Variants in NPAS2 observed in about 807,000 individuals in gnomAD.
NPAS2 encodes neuronal PAS domain protein 2, also known as neuronal PAS domain-containing protein 2.
NPAS2 carries 23 observed loss-of-function variants against 107.5 expected under a neutral mutation model. The observed-to-expected ratio is 0.21, with a 90% confidence interval of 0.15 to 0.30. The LOEUF is 0.30. NPAS2 is among the 10% of genes least tolerant of loss of function. The probability of loss-of-function intolerance (pLI) is 1.00; values close to 1 mark genes in which losing one functional copy is unlikely to be tolerated. For synonymous variants in NPAS2, 403 were observed against 417.5 expected (o/e 0.97, Z 0.42); for missense variants, 756 against 1,043.3 (o/e 0.72, Z 3.79).
intron 1 of NPAS2, among the ~76,000 whole-genome samples, chr2:100,883,494 G>A (rs1031003857): frequency 5.9e-5 from 9 of 152,166 alleles, no homozygotes; most frequent in Non-Finnish European, 7.3e-5. Flanking sequence ...GTAACCACAC[G>A]CCATGGGATG....
Position 100,869,173 on chromosome 2 carries a change from T to C in NPAS2, c.-22-35560T>C, listed in dbSNP as rs531304172. ...CTGGTCTCAAACTCCTGACCTCAAGTGATCCACCTGCCTCGGCCTCCCAAA... is the reference window on the plus strand; with the variant it reads ...CTGGTCTCAAACTCCTGACCTCAAGCGATCCACCTGCCTCGGCCTCCCAAA... On this transcript the variant is annotated intron_variant, in intron 1 of 20. Coordinates refer to ENST00000335681, the MANE Select transcript of NPAS2 (RefSeq NM_002518.4). Among the ~76,000 whole-genome samples, 16 of 152,126 alleles carry C rather than the reference T, an allele frequency of 1.1e-4. No individual in the cohort carries two copies. The South Asian group carries it at 3.1e-3, about 30-fold the overall frequency.
At chr2:100,821,371 A>AACAC (rs1676059808) in intron 1 of NPAS2, among the ~76,000 whole-genome samples, 1 of 152,058 alleles carries the variant, frequency 6.6e-6, no homozygotes, top group South Asian at 2.1e-4. Flanking sequence ...GGAGTTCAAC[A>AACAC]GGTGTTCAGG....
chr2:100,821,589 A>T (rs1676073778), intron 1 of NPAS2, among the ~76,000 whole-genome samples: 1 of 152,198 alleles, frequency 6.6e-6, no homozygotes, highest in Non-Finnish European at 1.5e-5. Flanking sequence ...TGAACTTCCC[A>T]GGTAATTAGT....
At chr2:100,845,424 C>A (rs1485583989) in intron 1 of NPAS2, among the ~76,000 whole-genome samples, 2 of 152,204 alleles carry the variant, frequency 1.3e-5, no homozygotes, top group African/African-American at 4.8e-5. Flanking sequence ...TGCCCATTGT[C>A]CATTTGTACA....
intron 7 of NPAS2, among the ~76,000 whole-genome samples, chr2:100,963,111 G>A (rs1391178318): frequency 1.3e-5 from 2 of 152,222 alleles, no homozygotes; most frequent in Non-Finnish European, 2.9e-5. Context: ...TGTTCCTCTG[G>A]GGGTGACCCC....
intron 10 of NPAS2, among the ~76,000 whole-genome samples, chr2:100,967,740 T>C (rs576494354): frequency 1.3e-4 from 20 of 152,164 alleles, no homozygotes; most frequent in Middle Eastern, 6.8e-3. Context: ...CAGACATCAC[T>C]ATGGGGGGGC....
chr2:100,975,673 G>T, intron 14 of NPAS2, 106 bp downstream of exon 14: 1 of 775,006 alleles, frequency 1.3e-6, no homozygotes, highest in South Asian at 2.2e-5. Flanking sequence ...GTTTTACTTA[G>T]GGATTGAGAG....
chr2:100,859,850 A>T (rs1678825602), intron 1 of NPAS2, among the ~76,000 whole-genome samples: 4 of 152,210 alleles, frequency 2.6e-5, no homozygotes, highest in Admixed American at 2.6e-4. Context: ...TAGCTTCCTT[A>T]TAGCCTTTGC....
chr2:100,987,961 C>A, intron 16 of NPAS2, 118 bp from the exon 17 acceptor site: 1 of 1,094,584 alleles, frequency 9.1e-7, no homozygotes, highest in Non-Finnish European at 1.4e-6. Context: ...AGTAAATGAA[C>A]TATTTCTAGG....
intron 1 of NPAS2, among the ~76,000 whole-genome samples, chr2:100,896,043 G>A (rs17654748): frequency 0.2 from 30,257 of 152,156 alleles, 3,926 homozygotes; most frequent in Non-Finnish European, 0.28. Context: ...GTGAACAGAA[G>A]GGGTAGGACA....
chr2:100,947,764 C>T (rs1214643729), intron 5 of NPAS2, among the ~76,000 whole-genome samples: 2 of 152,162 alleles, frequency 1.3e-5, no homozygotes, highest in African/African-American at 4.8e-5. Flanking sequence ...CAGAAGAAAA[C>T]GTGCAGTTCC....
chr2:100,974,792 G>T lies in NPAS2; in HGVS notation c.1141-11G>T. 1 of 1,612,948 alleles carries T rather than the reference G, an allele frequency of 6.2e-7. No homozygotes were observed. Among genetic ancestry groups the T allele is most frequent in the Non-Finnish European group, 8.5e-7 (1 of 1,179,392 alleles). On this transcript the variant is annotated splice_polypyrimidine_tract_variant and intron_variant, in intron 12 of 20. Transcript: ENST00000335681. ...TGCTGACATGAGGACTGTTTGATGTGTGTGTTTCAGGACAAGGGCTCAAGC... is the reference window on the plus strand; with the variant it reads ...TGCTGACATGAGGACTGTTTGATGTTTGTGTTTCAGGACAAGGGCTCAAGC...
chr2:100,865,178 C>T (rs1339303247), intron 1 of NPAS2, among the ~76,000 whole-genome samples: 6 of 152,170 alleles, frequency 3.9e-5, no homozygotes, highest in African/African-American at 1.4e-4. Flanking sequence ...CACCAGACCA[C>T]ACTTTGAGAA....
intron 5 of NPAS2, among the ~76,000 whole-genome samples, chr2:100,943,381 A>G (rs1674695704): frequency 6.6e-6 from 1 of 152,052 alleles, no homozygotes; most frequent in Non-Finnish European, 1.5e-5. Flanking sequence ...ATCCTCTTTG[A>G]TTGGGTTTTT....
In NPAS2 at chr2:100,956,771, A is replaced by C. The variant is rs1675593893; in HGVS notation, c.599-7287A>C. Among the ~76,000 whole-genome samples, 5 of 152,332 alleles carry C rather than the reference A, an allele frequency of 3.3e-5. No homozygotes were observed. In the South Asian group the frequency reaches 8.3e-4, roughly 25 times the overall value. On this transcript the variant is annotated intron_variant, in intron 7 of 20. Transcript: ENST00000335681. ...GCTCTGTGTGAGCCTTGAAGCACACAGACGAGGATCCCATCTTGTTGTCTG... is the reference window on the plus strand; with the variant it reads ...GCTCTGTGTGAGCCTTGAAGCACACCGACGAGGATCCCATCTTGTTGTCTG...
At chr2:100,867,410 T>G (rs769790164) in intron 1 of NPAS2, among the ~76,000 whole-genome samples, 4 of 152,230 alleles carry the variant, frequency 2.6e-5, no homozygotes, top group Non-Finnish European at 5.9e-5. Flanking sequence ...GAAACTTTTA[T>G]CTTTGTTTTG....
At chr2:100,972,397 G>A (rs1020487594) in intron 12 of NPAS2, among the ~76,000 whole-genome samples, 1 of 152,256 alleles carries the variant, frequency 6.6e-6, no homozygotes, top group Non-Finnish European at 1.5e-5. Context: ...AACTGGTGAA[G>A]CTCAACTTCC....
In NPAS2 at chr2:100,976,413, G is replaced by A. The variant is rs1212705766; in HGVS notation, c.1392+846G>A. Among the ~76,000 whole-genome samples the A allele has an allele frequency of 6.6e-6, 1 of 152,076 alleles. No homozygotes were observed. The highest frequency in any genetic ancestry group is 2.4e-5 in the African/African-American group (1 of 41,408). ...AGGCAGGAACCATGCAGACCTCTGT[G>A]ACCTAGCCACGGAAGTCATATAGTA... is the stretch of plus-strand genomic sequence containing the variant. On this transcript the variant is annotated intron_variant, in intron 14 of 20. Coordinates refer to ENST00000335681, the MANE Select transcript of NPAS2 (RefSeq NM_002518.4). This position sits in a 1 kb window ranked among gnomAD's most constrained non-coding sequence, Gnocchi z 4.1.
Position 100,844,871 on chromosome 2 carries a change from G to A in NPAS2, c.-23+24457G>A, listed in dbSNP as rs79033046. The stretch of plus-strand genomic sequence containing the variant: ...TAGAGAAGGAGACAGAGAGTCAAGG[G>A]TGAGGAAGGGATGAGAGACATTGTA... On this transcript the variant is annotated intron_variant, in intron 1 of 20. Coordinates refer to ENST00000335681, the MANE Select transcript of NPAS2 (RefSeq NM_002518.4). Among the ~76,000 whole-genome samples, 1,051 of 152,304 alleles carry A rather than the reference G, an allele frequency of 6.9e-3. 13 individuals are homozygous for A. Among genetic ancestry groups the A allele is most frequent in the African/African-American group, 0.024 (1,012 of 41,564 alleles).
Sources: gnomAD v4.1 joint callset for allele counts (sites outside exome capture counted in the v4.1 genomes callset) on GRCh38, gnomAD v4.1.1 for gene constraint, Gnocchi (gnomAD v3.1) non-coding constraint, MANE v1.5 for transcripts, NCBI Gene and HGNC (gene_info 2026-07-23, HGNC 2026-07-21) for gene names.